GPC1: variants seen among roughly 807,000 people sequenced by gnomAD.
The protein encoded by GPC1 is glypican-1.
GPC1 carries 26 observed loss-of-function variants against 51.5 expected under a neutral mutation model. The ratio of observed to expected loss-of-function variants is 0.50; its 90% CI spans 0.37 to 0.70. GPC1 has a LOEUF of 0.70. Ranked by LOEUF, GPC1 falls within the 30% of genes least tolerant of loss-of-function variation. The probability of loss-of-function intolerance (pLI) is 0.00; values close to 1 mark genes in which losing one functional copy is unlikely to be tolerated. For missense variants in GPC1, 775 were observed against 800.5 expected (o/e 0.97, Z 0.38); for synonymous variants, 380 against 348.3 (o/e 1.09, Z -1.01).
chr2:240,467,151 G>C lies in GPC1; in HGVS notation c.*861G>C, dbSNP rs1465636032. On this transcript the variant is annotated 3_prime_UTR_variant, in exon 9 of 9. Coordinates refer to ENST00000264039, the MANE Select transcript of GPC1 (RefSeq NM_002081.3). The stretch of plus-strand genomic sequence containing the variant: ...GAGGGCTGAGGAGCAGCCAGGACCC[G>C]CCTGCTCCCATCCTCACCCAGATCA... 6.6e-6 allele frequency: 1 copy of C among 152,306 alleles called. No individual in the cohort carries two copies. Among genetic ancestry groups the C allele is most frequent in the Non-Finnish European group, 1.5e-5 (1 of 68,116 alleles). 9.4% of individuals were successfully genotyped at this position (152,306 alleles called of 1,614,324 possible).
chr2:240,449,796 C>T (rs1300742362), intron 1 of GPC1: 1 of 466,468 alleles, frequency 2.1e-6, no homozygotes, highest in African/African-American at 2.0e-5. Flanking sequence ...TAAGTCGAGT[C>T]TTGCCGTATC....
intron 1 of GPC1, chr2:240,457,900 G>A (rs1055250543): frequency 2.7e-6 from 1 of 363,948 alleles, no homozygotes; most frequent in Non-Finnish European, 5.7e-6. Flanking sequence ...TGGAATTCCT[G>A]CTGACAACGC....
rs1198728447 is a variant in GPC1, at chr2:240,452,959, C to G, written c.167-6071C>G. ...GCCCCGCTCCGCCGCCTTTCCCCGG[C>G]CCGAGCACCTGCACCCAGAGCCCGC... On this transcript the variant is annotated intron_variant, in intron 1 of 8. Transcript: ENST00000264039. The G allele has an allele frequency of 1.8e-5, 6 of 339,716 alleles. No homozygotes were observed. The Admixed American group carries it at 2.2e-4, about 12-fold the overall frequency. The allele number at this position is 339,716 out of a possible 1,614,324, so 21.0% of individuals were successfully genotyped here.
intron 1 of GPC1, among the ~76,000 whole-genome samples, chr2:240,439,547 G>A (rs912563609): frequency 2.0e-5 from 3 of 152,226 alleles, no homozygotes; most frequent in Non-Finnish European, 4.4e-5. Context: ...GGGCCCCTCC[G>A]AAGGAATCTT....
intron 2 of GPC1, among the ~76,000 whole-genome samples, chr2:240,460,685 C>G (rs1228132775): frequency 1.3e-5 from 2 of 152,198 alleles, no homozygotes; most frequent in Admixed American, 6.5e-5. Context: ...TTCAACTCTC[C>G]TATCTTTGAC....
chr2:240,463,347 G>C lies in GPC1; in HGVS notation c.718G>C (p.Val240Leu). Residue 240 changes from valine to leucine, a missense_variant and splice_region_variant, in exon 4 of 9, where the codon GTC becomes CTC. Coordinates refer to ENST00000264039, the MANE Select transcript of GPC1 (RefSeq NM_002081.3). ...ASDVVRKVAQ[V>L]PLGPECSRAV... ...TGGCTTAGGGTCCCTTGCTCCCCAG[G>C]TCCCCCTGGGCCCGGAGTGCTCGAG... 6.2e-7 allele frequency: 1 copy of C among 1,612,418 alleles called. No individual in the cohort carries two copies. The highest frequency in any genetic ancestry group is 8.5e-7 in the Non-Finnish European group (1 of 1,179,682).
intron 1 of GPC1, among the ~76,000 whole-genome samples, chr2:240,440,234 G>A (rs1559193387): frequency 6.6e-6 from 1 of 152,190 alleles, no homozygotes; most frequent in Non-Finnish European, 1.5e-5. Context: ...TCATGAACCC[G>A]GGTGCTCTTA....
chr2:240,453,177 C>G, intron 1 of GPC1: 1 of 215,316 alleles, frequency 4.6e-6, no homozygotes, highest in Non-Finnish European at 9.5e-6. Context: ...CCCCGCTTGG[C>G]CGCCGCAGCC....
intron 1 of GPC1, among the ~76,000 whole-genome samples, chr2:240,444,722 G>A (rs930118778): frequency 6.6e-6 from 1 of 152,220 alleles, no homozygotes. Context: ...GCCTGTCCCT[G>A]CATCTGGTGC....
intron 1 of GPC1, chr2:240,449,540 G>T: frequency 4.2e-6 from 1 of 236,276 alleles, no homozygotes; most frequent in Non-Finnish European, 8.5e-6. Flanking sequence ...TTTGCTTTTT[G>T]TGGCAAAATA....
In GPC1 at chr2:240,462,409, C is replaced by T. The variant is rs1437010194; in HGVS notation, c.544C>T (p.Leu182=). 12 of 1,601,472 alleles carry T rather than the reference C, an allele frequency of 7.5e-6. No homozygotes were observed. The highest frequency in any genetic ancestry group is 3.3e-4 in the Middle Eastern group (2 of 6,024). The change falls in exon 3 of 9, where the codon CTG becomes TTG. Residue 182 remains leucine, a synonymous_variant. Transcript: ENST00000264039. ...ERLFKQLHPQ[L]LLPDDYLDCL... ...CCTCTTCAAGCAGCTGCACCCCCAGCTGCTGCTGCCTGATGACTACCTGGA... is the reference window on the plus strand; with the variant it reads ...CCTCTTCAAGCAGCTGCACCCCCAGTTGCTGCTGCCTGATGACTACCTGGA...
At chr2:240,453,443 GCCCGCCCCGCT>G (rs1254209018) in intron 1 of GPC1, among the ~76,000 whole-genome samples, 1 of 109,730 alleles carries the variant, frequency 9.1e-6, no homozygotes, top group East Asian at 3.0e-4. Flanking sequence ...CGCTCCCTCC[GCCCGCCCCGCT>G]CCCGCATCGC....
chr2:240,444,810 T>G (rs1021385949), intron 1 of GPC1, among the ~76,000 whole-genome samples: 2 of 152,132 alleles, frequency 1.3e-5, no homozygotes, highest in Admixed American at 6.5e-5. Flanking sequence ...CCTGTGGCTG[T>G]CTGATCCCAT....
chr2:240,456,163 G>C (rs954494606), intron 1 of GPC1: 1 of 261,932 alleles, frequency 3.8e-6, no homozygotes, highest in African/African-American at 2.4e-5. Context: ...AGGCTGAGGC[G>C]CGGGGGCCGG....
chr2:240,450,309 C>A (rs1013556520), intron 1 of GPC1: 1 of 334,994 alleles, frequency 3.0e-6, no homozygotes, highest in African/African-American at 2.2e-5. Context: ...CAGGGCTTGT[C>A]AGCTCCTGCT....
intron 1 of GPC1, among the ~76,000 whole-genome samples, chr2:240,445,118 C>CG (rs550635681): frequency 2.0e-5 from 3 of 152,170 alleles, no homozygotes; most frequent in African/African-American, 7.2e-5. Context: ...CCGAGCCTGG[C>CG]GGGGGGCTGT....
Position 240,463,241 on chromosome 2 carries a change from C to T in GPC1, c.718-106C>T, listed in dbSNP as rs549483481. 360 of 959,292 alleles carry T rather than the reference C, an allele frequency of 3.8e-4. 4 individuals carry two copies. The highest frequency in any genetic ancestry group is 2.7e-3 in the Middle Eastern group (8 of 2,946). 59.4% of individuals were successfully genotyped at this position (959,292 alleles called of 1,614,324 possible). On this transcript the variant is annotated intron_variant, in intron 3 of 8. Coordinates refer to ENST00000264039, the MANE Select transcript of GPC1 (RefSeq NM_002081.3). ...GAGCTGGGGCAGAGCAGAGGCCTCC[C>T]CTGACTTCCCTCCAGAGCCCCCTAC... is the stretch of plus-strand genomic sequence containing the variant.
At position 240,464,657 on chromosome 2, in the gene GPC1, G is replaced by T; in HGVS notation, c.925G>T (p.Gly309Cys). ...LITDKFWGTS[G>C]VESVIGSVHT... Reference sequence around the variant, plus strand: ...CACCGACAAGTTCTGGGGTACATCGGGTGTGGAGAGTGTCATCGGCAGCGT... The same window carrying T: ...CACCGACAAGTTCTGGGGTACATCGTGTGTGGAGAGTGTCATCGGCAGCGT... The change falls in exon 5 of 9, where the codon GGT becomes TGT. Residue 309 changes from glycine to cysteine, a missense_variant. Physicochemically the swap from Gly to Cys is radical, Grantham distance 159 (BLOSUM62 -3). Transcript: ENST00000264039. 1 of 1,613,318 alleles carries T rather than the reference G, an allele frequency of 6.2e-7. No individual in the cohort carries two copies. The highest frequency in any genetic ancestry group is 8.5e-7 in the Non-Finnish European group (1 of 1,179,938).
chr2:240,465,988 C>A, intron 8 of GPC1, 70 bp from the exon 9 acceptor site: 1 of 916,886 alleles, frequency 1.1e-6, no homozygotes, highest in Non-Finnish European at 1.7e-6. Flanking sequence ...TGGCACGGGC[C>A]CTTACAGGGT....
Sources: allele counts gnomAD v4.1 joint callset (sites outside exome capture counted in the v4.1 genomes callset), GRCh38; gene constraint gnomAD v4.1.1; transcripts MANE v1.5; gene names NCBI Gene and HGNC (gene_info 2026-07-23, HGNC 2026-07-21).